PLCB4: variants seen among roughly 807,000 people sequenced by gnomAD.
PLCB4 encodes the protein phospholipase C beta 4.
A neutral mutation model predicts 178.8 loss-of-function variants in PLCB4; 77 were observed. The ratio of observed to expected loss-of-function variants is 0.43; its 90% confidence interval spans 0.36 to 0.52. PLCB4 has a LOEUF of 0.52. Among genes scored for constraint, PLCB4 ranks in the 20% least tolerant of loss-of-function variants. The pLI is 0.00. For synonymous variants in PLCB4, 496 were observed against 490.8 expected (o/e 1.01, Z -0.14); for missense variants, 1,024 against 1,453.4 (o/e 0.70, Z 4.80).
chr20:9,253,433 A>C (rs2094201720), intron 3 of PLCB4, among the ~76,000 whole-genome samples: 1 of 151,936 alleles, frequency 6.6e-6, no homozygotes, highest in Admixed American at 6.6e-5. Context: ...ACCTACTCAG[A>C]CCCAATCTGG....
At chr20:9,110,976 A>C (rs2091554891) in intron 2 of PLCB4, among the ~76,000 whole-genome samples, 1 of 152,158 alleles carries the variant, frequency 6.6e-6, no homozygotes, top group Non-Finnish European at 1.5e-5. Flanking sequence ...GTATTCATTA[A>C]GCAGGTATTC....
intron 30 of PLCB4, among the ~76,000 whole-genome samples, chr20:9,439,442 T>C (rs2041976578): frequency 1.3e-5 from 2 of 152,180 alleles, no homozygotes; most frequent in African/African-American, 2.4e-5. Context: ...AGAAATAGAC[T>C]CTACCTCTTG....
intron 7 of PLCB4, among the ~76,000 whole-genome samples, chr20:9,351,511 A>G (rs778535905): frequency 7.2e-5 from 11 of 152,166 alleles, no homozygotes; most frequent in Non-Finnish European, 1.3e-4. Flanking sequence ...TCATTTATTC[A>G]TATTTACCAT....
intron 20 of PLCB4, among the ~76,000 whole-genome samples, chr20:9,402,644 A>G (rs2039117516): frequency 6.6e-6 from 1 of 152,230 alleles, no homozygotes; most frequent in South Asian, 2.1e-4. Flanking sequence ...AGGCCAGACG[A>G]GAGTCCCCGA....
At chr20:9,088,715 G>A (rs2090548077) in intron 1 of PLCB4, among the ~76,000 whole-genome samples, 1 of 152,100 alleles carries the variant, frequency 6.6e-6, no homozygotes, top group African/African-American at 2.4e-5. Context: ...GAAAAAAATA[G>A]AATTCAAAAC....
Position 9,472,766 on chromosome 20 carries a change from G to A in PLCB4, c.3351-24G>A, listed in dbSNP as rs200826283. 8.2e-4 allele frequency: 1,227 copies of A among 1,491,876 alleles called. 4 individuals are homozygous for A. Among genetic ancestry groups the A allele is most frequent in the Non-Finnish European group, 8.5e-4 (916 of 1,083,522 alleles). 92.4% of individuals were successfully genotyped at this position (1,491,876 alleles called of 1,614,324 possible). On this transcript the variant is annotated intron_variant, in intron 36 of 39. Transcript: ENST00000378473. ...AATTTCATTCAATGTCATACCAACC[G>A]TTATTTGTGCCCATTGCTTTTAGGC... is the stretch of plus-strand genomic sequence containing the variant.
At chr20:9,209,344 T>C (rs529434318) in intron 2 of PLCB4, among the ~76,000 whole-genome samples, 5 of 151,076 alleles carry the variant, frequency 3.3e-5, no homozygotes, top group African/African-American at 1.2e-4. Context: ...GCATGCTAAG[T>C]TAGGTGTTAA....
chr20:9,086,839 G>T (rs993512415), intron 1 of PLCB4, among the ~76,000 whole-genome samples: 5 of 152,214 alleles, frequency 3.3e-5, no homozygotes, highest in African/African-American at 4.8e-5. Context: ...ATGTGTTCTT[G>T]AGCAAGTCAT....
At chr20:9,098,498 G>A (rs559676484) in intron 2 of PLCB4, among the ~76,000 whole-genome samples, 85 of 151,932 alleles carry the variant, frequency 5.6e-4, no homozygotes, top group African/African-American at 2.0e-3. Flanking sequence ...ACAGTTAGGA[G>A]CACATTCTGG....
intron 3 of PLCB4, among the ~76,000 whole-genome samples, chr20:9,306,857 T>G (rs1399231709): frequency 6.6e-6 from 1 of 152,216 alleles, no homozygotes; most frequent in Non-Finnish European, 1.5e-5. Context: ...TCTCTTTAAA[T>G]GTCCTACTCA....
At chr20:9,371,363 C>G in intron 10 of PLCB4, 68 bp downstream of exon 10, 1 of 817,480 alleles carries the variant, frequency 1.2e-6, no homozygotes, top group Non-Finnish European at 2.1e-6. Context: ...ATGTAATGAG[C>G]TAGATTATTT....
chr20:9,401,639 T>C (rs909634505), intron 20 of PLCB4, 49 bp downstream of exon 20: 1 of 1,303,156 alleles, frequency 7.7e-7, no homozygotes, highest in African/African-American at 1.5e-5. Flanking sequence ...CAGCTGTTAT[T>C]TATGAAATTT....
At chr20:9,105,952 A>G (rs1473479558) in intron 2 of PLCB4, among the ~76,000 whole-genome samples, 1 of 152,142 alleles carries the variant, frequency 6.6e-6, no homozygotes, top group Non-Finnish European at 1.5e-5. Flanking sequence ...ATGTGACTAC[A>G]TATACATATG....
intron 4 of PLCB4, among the ~76,000 whole-genome samples, chr20:9,336,124 C>G (rs1480725429): frequency 3.3e-5 from 5 of 151,956 alleles, no homozygotes; most frequent in Admixed American, 6.6e-5. Flanking sequence ...CAGACAGGTT[C>G]CTAATTGCTG....
At chr20:9,222,854 G>A (rs1287629672) in intron 3 of PLCB4, among the ~76,000 whole-genome samples, 3 of 152,188 alleles carry the variant, frequency 2.0e-5, no homozygotes, top group African/African-American at 7.2e-5. Context: ...CTCTTAGTCA[G>A]TGCTTCTGAA....
intron 3 of PLCB4, among the ~76,000 whole-genome samples, chr20:9,250,431 G>A (rs2094168203): frequency 6.6e-6 from 1 of 152,332 alleles, no homozygotes; most frequent in East Asian, 1.9e-4. Flanking sequence ...ATTCCCCTAA[G>A]ATGTTCAGAA....
In PLCB4 at chr20:9,408,734, A is replaced by G; in HGVS notation, c.1874+17A>G. 6 of 1,305,452 alleles carry G rather than the reference A, an allele frequency of 4.6e-6. No individual in the cohort carries two copies. Among genetic ancestry groups the G allele is most frequent in the Non-Finnish European group, 6.7e-6 (6 of 900,202 alleles). 80.9% of individuals were successfully genotyped at this position (1,305,452 alleles called of 1,614,324 possible). Reference sequence around the variant, plus strand: ...ATTTGTCAAGTATCCTTATGTATCAAGTGGAATGAGTGGTTGACTCACGTT... The same window carrying G: ...ATTTGTCAAGTATCCTTATGTATCAGGTGGAATGAGTGGTTGACTCACGTT... On this transcript the variant is annotated intron_variant, in intron 23 of 39. Coordinates refer to ENST00000378473, the MANE Select transcript of PLCB4 (RefSeq NM_001377142.1).
chr20:9,363,104 G>C lies in PLCB4; in HGVS notation c.449+129G>C, dbSNP rs182828161. Reference sequence around the variant, plus strand: ...CTTTCCCTCCATGCTCCTGACCTTGGAGTTGACCAACACACACCTGTACTC... The same window carrying C: ...CTTTCCCTCCATGCTCCTGACCTTGCAGTTGACCAACACACACCTGTACTC... On this transcript the variant is annotated intron_variant, in intron 8 of 39. Transcript: ENST00000378473. 4,233 of 708,550 alleles carry C rather than the reference G, an allele frequency of 6.0e-3. 20 individuals are homozygous for C. The highest frequency in any genetic ancestry group is 8.4e-3 in the Non-Finnish European group (3,274 of 390,648). The allele number at this position is 708,550 out of a possible 1,614,324, so 43.9% of individuals were successfully genotyped here. A position where few individuals can be genotyped will look rare whatever the true frequency, so the allele number is the denominator to read the frequency against.
rs114336969 is a variant in PLCB4 at position 9,302,687 on chromosome 20, C to T, written c.-15-5113C>T. Among the ~76,000 whole-genome samples, 556 of 152,176 alleles carry T rather than the reference C, an allele frequency of 3.7e-3. 3 individuals carry two copies. The highest frequency in any genetic ancestry group is 0.013 in the African/African-American group (526 of 41,524). ...ACCCTCCTCCTTCACCTCCAAAGTTCTTCATATAGTGAGACTATTGTGATG... is the reference window on the plus strand; with the variant it reads ...ACCCTCCTCCTTCACCTCCAAAGTTTTTCATATAGTGAGACTATTGTGATG... On this transcript the variant is annotated intron_variant, in intron 3 of 39. Transcript: ENST00000378473.
Sources: gnomAD v4.1 joint callset for allele counts (sites outside exome capture counted in the v4.1 genomes callset) on GRCh38, gnomAD v4.1.1 for gene constraint, MANE v1.5 for transcripts, NCBI Gene and HGNC (gene_info 2026-07-23, HGNC 2026-07-21) for gene names.